The following ASTN2 variants were observed in gnomAD, a reference collection of about 807,000 sequenced individuals.
ASTN2 encodes the protein astrotactin-2.
Under a neutral mutation model 139.8 loss-of-function variants are expected in ASTN2, and 54 were observed. The ratio of observed to expected loss-of-function variants is 0.39; its 90% CI spans 0.31 to 0.48. The LOEUF is 0.48. Ranked by LOEUF, ASTN2 falls within the 20% of genes least tolerant of loss-of-function variation. The pLI, the probability that ASTN2 is intolerant of heterozygous loss-of-function variation, is 0.95. For missense variants in ASTN2, 1,565 were observed against 1,725.1 expected, an observed-to-expected ratio of 0.91 and a Z score of 1.64; for synonymous variants, 756 against 719.5, an observed-to-expected ratio of 1.05 and a Z score of -0.81.
chr9:117,336,812 T>C (rs891367625), intron 1 of ASTN2, among the ~76,000 whole-genome samples: 7 of 152,104 alleles, frequency 4.6e-5, no homozygotes, highest in African/African-American at 1.7e-4. Context: ...CAGGTTCATG[T>C]CAGTCTATGT....
chr9:116,942,856 G>A (rs1264716374), intron 10 of ASTN2, among the ~76,000 whole-genome samples: 1 of 152,232 alleles, frequency 6.6e-6, no homozygotes, highest in African/African-American at 2.4e-5. Context: ...TGGCAGAAGA[G>A]TGTGCAGCTG....
chr9:116,868,983 GAGACC>G (rs1164006328), intron 10 of ASTN2, among the ~76,000 whole-genome samples: 1 of 152,120 alleles, frequency 6.6e-6, no homozygotes, highest in Non-Finnish European at 1.5e-5. Context: ...TCAGGAGTTC[GAGACC>G]AGCCTGACCA....
chr9:117,330,684 C>T (rs771219159), intron 1 of ASTN2, among the ~76,000 whole-genome samples: 1 of 152,172 alleles, frequency 6.6e-6, no homozygotes, highest in Non-Finnish European at 1.5e-5. Context: ...CATCTTTCCT[C>T]CCCAGCTGCA....
intron 1 of ASTN2, among the ~76,000 whole-genome samples, chr9:117,319,531 A>G (rs559546373): frequency 1.3e-5 from 2 of 151,880 alleles, no homozygotes; most frequent in Admixed American, 1.3e-4. Flanking sequence ...CAGTTCAGGC[A>G]ATTCTCATGC....
chr9:117,189,214 C>G (rs1240061280), intron 3 of ASTN2, among the ~76,000 whole-genome samples: 1 of 149,652 alleles, frequency 6.7e-6, no homozygotes, highest in Non-Finnish European at 1.5e-5. Context: ...TGTTTACCCA[C>G]TACCCACTAG....
chr9:117,305,461 C>G (rs911185001), intron 1 of ASTN2, among the ~76,000 whole-genome samples: 1 of 152,136 alleles, frequency 6.6e-6, no homozygotes, highest in Non-Finnish European at 1.5e-5. Flanking sequence ...CCCAATATAG[C>G]ACAGGGCCAG....
intron 7 of ASTN2, among the ~76,000 whole-genome samples, chr9:116,983,208 A>G (rs1177221632): frequency 6.6e-6 from 1 of 151,832 alleles, no homozygotes; most frequent in Non-Finnish European, 1.5e-5. Flanking sequence ...CCCCATGTTG[A>G]CTCCAAGTGA....
chr9:116,774,461 A>G (rs1360239641), intron 13 of ASTN2, among the ~76,000 whole-genome samples: 1 of 152,124 alleles, frequency 6.6e-6, no homozygotes, highest in Non-Finnish European at 1.5e-5. Flanking sequence ...ATAGCACCCA[A>G]CATTTATTAT....
chr9:117,154,232 A>C (rs1830385525), intron 3 of ASTN2, among the ~76,000 whole-genome samples: 1 of 152,098 alleles, frequency 6.6e-6, no homozygotes, highest in Admixed American at 6.6e-5. Context: ...TAATGGATTG[A>C]GGCTAAGTTG....
At chr9:116,924,235 C>G (rs1279714923) in intron 10 of ASTN2, among the ~76,000 whole-genome samples, 1 of 150,812 alleles carries the variant, frequency 6.6e-6, no homozygotes, top group East Asian at 1.9e-4. Flanking sequence ...ATGGTGAAAT[C>G]CTATCTCTAC....
chr9:117,276,480 T>C (rs558701541), intron 2 of ASTN2, among the ~76,000 whole-genome samples: 2 of 152,218 alleles, frequency 1.3e-5, no homozygotes, highest in African/African-American at 2.4e-5. Context: ...TTACACACCA[T>C]CTAAACAAAG....
chr9:117,096,273 C>A, intron 4 of ASTN2, 122 bp from the exon 5 acceptor site: 1 of 733,824 alleles, frequency 1.4e-6, no homozygotes, highest in East Asian at 2.8e-5. Flanking sequence ...CCCAAGCAAC[C>A]CAGGAGTCAG....
At chr9:117,052,243 G>A (rs375655644) in intron 5 of ASTN2, among the ~76,000 whole-genome samples, 6 of 151,924 alleles carry the variant, frequency 3.9e-5, no homozygotes, top group Non-Finnish European at 5.9e-5. Context: ...GATTGAGACC[G>A]TCCTGGCTAA....
chr9:117,095,431 A>G (rs1828816630), intron 5 of ASTN2, among the ~76,000 whole-genome samples: 1 of 152,200 alleles, frequency 6.6e-6, no homozygotes, highest in Non-Finnish European at 1.5e-5. Flanking sequence ...CCATTGTGAG[A>G]AATAATTATC....
intron 11 of ASTN2, among the ~76,000 whole-genome samples, chr9:116,855,755 G>A (rs938370094): frequency 6.6e-6 from 1 of 152,140 alleles, no homozygotes; most frequent in South Asian, 2.1e-4. Context: ...ATTTGGGCAA[G>A]TTTCTCATAC....
At chr9:117,220,902 T>C (rs1294777796) in intron 2 of ASTN2, among the ~76,000 whole-genome samples, 1 of 152,242 alleles carries the variant, frequency 6.6e-6, no homozygotes, top group African/African-American at 2.4e-5. Flanking sequence ...CTCTGCATTT[T>C]CAGGTTGAGG....
At chr9:117,118,537 T>G (rs559122343) in intron 4 of ASTN2, among the ~76,000 whole-genome samples, 1 of 152,306 alleles carries the variant, frequency 6.6e-6, no homozygotes, top group Non-Finnish European at 1.5e-5. Context: ...CTTCTACATT[T>G]ATATTCCCAA....
chr9:116,446,709 T>G (rs1848010593), intron 20 of ASTN2, among the ~76,000 whole-genome samples: 2 of 152,136 alleles, frequency 1.3e-5, no homozygotes, highest in African/African-American at 2.4e-5. Flanking sequence ...GCTATTCCTT[T>G]CCTTGGCCTT....
At chr9:116,531,524 C>A (rs1227208696) in intron 19 of ASTN2, among the ~76,000 whole-genome samples, 1 of 136,368 alleles carries the variant, frequency 7.3e-6, no homozygotes, top group Non-Finnish European at 1.6e-5. Context: ...CCTCCCCCCA[C>A]CCCACGACAG....
Sources: gnomAD v4.1 joint callset for allele counts (sites outside exome capture counted in the v4.1 genomes callset) on GRCh38, gnomAD v4.1.1 for gene constraint, MANE v1.5 for transcripts, NCBI Gene and HGNC (gene_info 2026-07-23, HGNC 2026-07-21) for gene names.